The following ALS2 variants were observed in gnomAD, a reference collection of about 807,000 sequenced individuals.
ALS2 encodes the protein alsin.
Under a neutral mutation model 203.4 loss-of-function variants are expected in ALS2, and 117 were observed. The ratio of observed to expected loss-of-function variants is 0.58; its 90% CI spans 0.50 to 0.67. The LOEUF is 0.67. Ranked by LOEUF, ALS2 falls within the 30% of genes least tolerant of loss-of-function variation. The pLI, the probability that ALS2 is intolerant of heterozygous loss-of-function variation, is 0.00. For synonymous variants in ALS2, 718 were observed against 725.9 expected (o/e 0.99, Z 0.17); for missense variants, 1,715 against 1,989.4 (o/e 0.86, Z 2.62).
rs1304523214 is a variant in ALS2 at position 201,724,309 on chromosome 2, A to G, written c.3498T>C (p.Phe1166=). 1.2e-6 allele frequency: 2 copies of G among 1,613,758 alleles called. No homozygotes were observed. Among genetic ancestry groups the G allele is most frequent in the African/African-American group, 2.7e-5 (2 of 74,934 alleles). ...GAATACTGTACCTAGTGATATCATC[A>G]AAGACACCATATCCTGCTTTCTTAT... The part of the protein sequence containing the change: ...VMDKKAGYGV[F]DDITRGEKYM... Residue 1166 remains phenylalanine, a synonymous_variant, in exon 21 of 34, where the codon TTT becomes TTC. Transcript: ENST00000264276.
chr2:201,766,682 G>A (rs1473201229), intron 3 of ALS2, among the ~76,000 whole-genome samples: 1 of 130,798 alleles, frequency 7.6e-6, no homozygotes, highest in Non-Finnish European at 1.8e-5. Context: ...GCAAAGACTT[G>A]GAACCAACCT....
At chr2:201,749,304 T>A (rs552787333) in intron 8 of ALS2, among the ~76,000 whole-genome samples, 60 of 152,278 alleles carry the variant, frequency 3.9e-4, no homozygotes, top group Middle Eastern at 3.4e-3. Context: ...CTACTCTGCA[T>A]GTTATTTTTA....
In ALS2 at chr2:201,761,191, G is replaced by C. The variant is rs1164718993; in HGVS notation, c.803C>G (p.Ala268Gly). Residue 268 changes from alanine (A) to glycine (G), a missense_variant, in exon 4 of 34, where the codon GCA (alanine) becomes GGA (glycine). By Grantham distance (60) the Ala-to-Gly change is moderately conservative (BLOSUM62 0). Coordinates refer to ENST00000264276, the MANE Select transcript of ALS2 (RefSeq NM_020919.4). Reference sequence around the variant, plus strand: ...GAGAGCAGTGCTGGCATGGTTTTCTGCCTGAGATTCTGTCAGTGTCACACC... The same window carrying C: ...GAGAGCAGTGCTGGCATGGTTTTCTCCCTGAGATTCTGTCAGTGTCACACC... ...PLGVTLTESQ[A>G]ENHASTALSP... is the part of the protein sequence containing the mutation. 4.3e-6 allele frequency: 7 copies of C among 1,614,224 alleles called. No homozygotes were observed. Among genetic ancestry groups the C allele is most frequent in the African/African-American group, 1.3e-5 (1 of 75,060 alleles).
At chr2:201,769,488 C>T (rs1207929565) in intron 1 of ALS2, among the ~76,000 whole-genome samples, 1 of 152,164 alleles carries the variant, frequency 6.6e-6, no homozygotes, top group Non-Finnish European at 1.5e-5. Context: ...CCCCAAATCA[C>T]CTTCGATTCA....
intron 7 of ALS2, among the ~76,000 whole-genome samples, 198 bp from the exon 8 acceptor site, chr2:201,749,987 C>T (rs2106064832): frequency 6.6e-6 from 1 of 152,076 alleles, no homozygotes; most frequent in Non-Finnish European, 1.5e-5. Flanking sequence ...CAAATAGAGT[C>T]TTGGTACATA....
intron 29 of ALS2, among the ~76,000 whole-genome samples, chr2:201,706,622 CAT>C (rs1371335635): frequency 4.8e-5 from 7 of 146,748 alleles, no homozygotes; most frequent in African/African-American, 1.3e-4. Context: ...TATATGAAAA[CAT>C]AATAAAAAAC....
intron 1 of ALS2, among the ~76,000 whole-genome samples, chr2:201,776,202 G>A (rs1291391598): frequency 6.6e-6 from 1 of 152,190 alleles, no homozygotes; most frequent in African/African-American, 2.4e-5. Context: ...ACAACTCAGA[G>A]AAGTGTTCCT....
intron 10 of ALS2, among the ~76,000 whole-genome samples, chr2:201,742,066 C>A (rs1043924656): frequency 6.6e-6 from 1 of 152,108 alleles, no homozygotes; most frequent in Non-Finnish European, 1.5e-5. Context: ...TTCACAGGAA[C>A]CTTATAGATT....
intron 25 of ALS2, among the ~76,000 whole-genome samples, chr2:201,714,577 G>GA (rs1467656092): frequency 6.6e-6 from 1 of 152,192 alleles, no homozygotes; most frequent in Non-Finnish European, 1.5e-5. Context: ...ACTATATGCT[G>GA]AGTCTTGTGA....
Position 201,754,548 on chromosome 2 carries a change from C to A in ALS2, c.1595G>T (p.Gly532Val), listed in dbSNP as rs774009241. 6.2e-7 allele frequency: 1 copy of A among 1,614,078 alleles called. No homozygotes were observed. The highest frequency in any genetic ancestry group is 8.5e-7 in the Non-Finnish European group (1 of 1,179,998). ...PSLRTEVWTW[G>V]KGKEGQLGHG... is the part of the protein sequence containing the mutation. Reference sequence around the variant, plus strand: ...CCCCAGCTGCCCTTCCTTCCCTTTCCCCCAGGTCCACACTTCTGTTCTCAG... The same window carrying A: ...CCCCAGCTGCCCTTCCTTCCCTTTCACCCAGGTCCACACTTCTGTTCTCAG... The change falls in exon 6 of 34, where the codon GGG becomes GTG. Residue 532 changes from glycine to valine, a missense_variant. By Grantham distance (109) the Gly-to-Val change is moderately radical. Coordinates refer to ENST00000264276, the MANE Select transcript of ALS2 (RefSeq NM_020919.4).
Position 201,749,776 on chromosome 2 carries a change from C to T in ALS2, c.1751G>A (p.Gly584Asp). The T allele has an allele frequency of 6.2e-7, 1 of 1,613,956 alleles. No homozygotes were observed. The highest frequency in any genetic ancestry group is 8.5e-7 in the Non-Finnish European group (1 of 1,179,908). The stretch of plus-strand genomic sequence containing the variant: ...CCCAAGTTGACCAAAGGTATTGCTA[C>T]CCCATGAGTAAACCTATCAAAAAAA... ...LTAKSQVYSW[G>D]SNTFGQLGHS... The change falls in exon 8 of 34, where the codon GGT becomes GAT. Residue 584 changes from glycine to aspartate, a missense_variant. Gly to Asp is a moderately conservative substitution (Grantham distance 94). Transcript: ENST00000264276.
chr2:201,718,157 T>C lies in ALS2; in HGVS notation c.3756A>G (p.Glu1252=), dbSNP rs369041168. The part of the protein sequence containing the change: ...GDYIEGYFSG[E]WGSGIKITGT... ...CAGTGATTTTTATCCCAGATCCCCA[T>C]TCTCCACTAAAATAACCTTCAATGT... is the stretch of plus-strand genomic sequence containing the variant. Residue 1252 remains glutamate (E), a synonymous_variant, in exon 24 of 34, where the codon GAA becomes GAG. Coordinates refer to ENST00000264276, the MANE Select transcript of ALS2 (RefSeq NM_020919.4). 2 of 1,613,402 alleles carry C rather than the reference T, an allele frequency of 1.2e-6. No homozygotes were observed. Among genetic ancestry groups the C allele is most frequent in the East Asian group, 2.2e-5 (1 of 44,860 alleles).
chr2:201,760,706 T>C (rs1693708438), intron 4 of ALS2, 175 bp downstream of exon 4: 1 of 1,419,304 alleles, frequency 7.0e-7, no homozygotes, highest in Admixed American at 3.0e-5. Flanking sequence ...TAAAGAGTGA[T>C]TTTGAATTAA....
rs137901959 is a variant in ALS2 at position 201,747,132 on chromosome 2, G to A, written c.1816-384C>T. Among the ~76,000 whole-genome samples, 164 of 152,208 alleles carry A rather than the reference G, an allele frequency of 1.1e-3. 1 individual carries two copies. The highest frequency in any genetic ancestry group is 3.4e-3 in the African/African-American group (142 of 41,546). On this transcript the variant is annotated intron_variant, in intron 8 of 33. Transcript: ENST00000264276. ...GACATACCTCTGTCCTTCCACATTT[G>A]GCTGTGTGCACAAAAATCGAGGTAA... is the stretch of plus-strand genomic sequence containing the variant.
At position 201,761,315 on chromosome 2, in the gene ALS2, G is replaced by T; in HGVS notation, c.679C>A (p.Pro227Thr). 1 of 1,614,110 alleles carries T rather than the reference G, an allele frequency of 6.2e-7. No individual in the cohort carries two copies. The highest frequency in any genetic ancestry group is 2.2e-5 in the East Asian group (1 of 44,882). The change falls in exon 4 of 34, where the codon CCA becomes ACA. Residue 227 changes from proline (P) to threonine (T), a missense_variant. Pro to Thr is a conservative substitution (Grantham distance 38). Transcript: ENST00000264276. The part of the protein sequence containing the change: ...VQCLPSQDLK[P>T]VPERCNQCSQ... ...CACTGGTTGCATCGTTCTGGGACTGGCTTCAGATCCTGGGAAGGGAGGCAT... is the reference window on the plus strand; with the variant it reads ...CACTGGTTGCATCGTTCTGGGACTGTCTTCAGATCCTGGGAAGGGAGGCAT...
chr2:201,749,578 T>C (rs950558000), intron 8 of ALS2, 134 bp downstream of exon 8: 7 of 857,612 alleles, frequency 8.2e-6, no homozygotes, highest in East Asian at 8.0e-5. Flanking sequence ...TTTAAAAATT[T>C]TCTTATGAAA....
At chr2:201,753,378 T>TA in intron 6 of ALS2, 136 bp from the exon 7 acceptor site, 3 of 756,606 alleles carry the variant, frequency 4.0e-6, no homozygotes, top group Non-Finnish European at 6.9e-6. Context: ...AATGGATATA[T>TA]GGTCAATCTA....
chr2:201,780,868 C>G lies in ALS2; in HGVS notation c.-61+9G>C, dbSNP rs1694885857. On this transcript the variant is annotated intron_variant, in intron 1 of 33. Transcript: ENST00000264276. ...GCCAATAGCCAACCCGGGACCCACA[C>G]TCGCTCACCTGAAGCTCCACCGGCA... 1 of 152,754 alleles carries G rather than the reference C, an allele frequency of 6.5e-6. No individual in the cohort carries two copies. The highest frequency in any genetic ancestry group is 1.5e-5 in the Non-Finnish European group (1 of 68,162). 9.5% of individuals were successfully genotyped at this position (152,754 alleles called of 1,614,324 possible).
At chr2:201,773,826 A>G (rs982133588) in intron 1 of ALS2, among the ~76,000 whole-genome samples, 2 of 152,196 alleles carry the variant, frequency 1.3e-5, no homozygotes, top group African/African-American at 2.4e-5. Context: ...ACTGAGACTG[A>G]GAAGTGGTCT....
Sources: allele counts gnomAD v4.1 joint callset (sites outside exome capture counted in the v4.1 genomes callset), GRCh38; gene constraint gnomAD v4.1.1; transcripts MANE v1.5; gene names NCBI Gene and HGNC (gene_info 2026-07-23, HGNC 2026-07-21).